Variants in SLC11A2 observed in about 807,000 individuals in gnomAD.
SLC11A2 encodes the protein solute carrier family 11 member 2.
A neutral mutation model predicts 68.0 loss-of-function variants in SLC11A2; 38 were observed. The ratio of observed to expected loss-of-function variants is 0.56; its 90% confidence interval spans 0.43 to 0.73. The LOEUF is 0.73. Ranked by LOEUF, SLC11A2 falls within the 30% of genes least tolerant of loss-of-function variation. The pLI is 0.00. For missense variants in SLC11A2, 517 were observed against 690.5 expected (o/e 0.75, Z 2.82); for synonymous variants, 242 against 250.6 (o/e 0.97, Z 0.32).
intron 1 of SLC11A2, chr12:51,026,046 G>C: frequency 9.1e-7 from 1 of 1,093,106 alleles, no homozygotes; most frequent in Non-Finnish European, 1.1e-6. Context: ...GCCGCGGCGG[G>C]GAAGGGGCGA....
chr12:50,985,999 AAG>A lies in SLC11A2; in HGVS notation c.*2324_*2325del. ...AATACCCAGGAAACCAAATTGGAAAAAGAAATTTTTTTTTAATTAGAAACCAA... is the reference window on the plus strand; with the variant it reads ...AATACCCAGGAAACCAAATTGGAAAAAAATTTTTTTTTAATTAGAAACCAA... On this transcript the variant is annotated 3_prime_UTR_variant, in exon 16 of 16. Transcript: ENST00000262052. 1 of 1,157,760 alleles carries A rather than the reference AAG, an allele frequency of 8.6e-7. No individual in the cohort carries two copies. Among genetic ancestry groups the A allele is most frequent in the Non-Finnish European group, 1.1e-6 (1 of 925,506 alleles). 71.7% of individuals were successfully genotyped at this position (1,157,760 alleles called of 1,614,324 possible). A position where few individuals can be genotyped will look rare whatever the true frequency, so the allele number is the denominator to read the frequency against.
the SLC11A2 span, among the ~76,000 whole-genome samples, chr12:50,972,506 T>TG: frequency 6.6e-6 from 1 of 152,206 alleles, no homozygotes; most frequent in Non-Finnish European, 1.5e-5. Context: ...TGCCATGTTC[T>TG]GGGGTGGTTC....
rs781651991 is a variant in SLC11A2, at chr12:51,000,380, T to C, written c.469A>G (p.Ile157Val). Residue 157 changes from isoleucine (I) to valine (V), a missense_variant, in exon 6 of 16, where the codon ATC (isoleucine) becomes GTC (valine). By Grantham distance (29) the Ile-to-Val change is conservative. Coordinates refer to ENST00000262052, the MANE Select transcript of SLC11A2 (RefSeq NM_000617.3). ...ACTTCTTGCATGTCTGAGCCGATGA[T>C]AGCCAACTCCACCATCAGCCACAGG... ...VILWLMVELAIIGSDMQEVIG... is the reference protein window; with the variant it reads ...VILWLMVELAVIGSDMQEVIG... 22 of 1,614,030 alleles carry C rather than the reference T, an allele frequency of 1.4e-5. No homozygotes were observed. The highest frequency in any genetic ancestry group is 2.2e-5 in the East Asian group (1 of 44,892).
intron 8 of SLC11A2, 147 bp downstream of exon 8, chr12:50,999,027 T>C (rs1941975478): frequency 1.5e-6 from 1 of 669,746 alleles, no homozygotes; most frequent in Non-Finnish European, 2.6e-6. Context: ...CCTTTAAAAT[T>C]GGCCCAGGGA....
chr12:50,971,787 A>T, the SLC11A2 span, among the ~76,000 whole-genome samples: 1 of 152,240 alleles, frequency 6.6e-6, no homozygotes, highest in Non-Finnish European at 1.5e-5. Flanking sequence ...TGTTTCCTGT[A>T]ATGGAGGTTT....
At chr12:51,000,709 C>A (rs2136244899) in intron 5 of SLC11A2, 2 of 587,214 alleles carry the variant, frequency 3.4e-6, no homozygotes, top group East Asian at 2.8e-5. Flanking sequence ...ATATAATTGC[C>A]ATTTACTAAC....
At chr12:50,970,492 G>A in the SLC11A2 span, 1 of 1,532,238 alleles carries the variant, frequency 6.5e-7, no homozygotes, top group Non-Finnish European at 8.8e-7. Context: ...ATTCTTCAGT[G>A]AGTCCAAAAA....
chr12:51,026,042 G>A, intron 1 of SLC11A2: 3 of 1,095,244 alleles, frequency 2.7e-6, no homozygotes, highest in Non-Finnish European at 3.3e-6. Flanking sequence ...CTAGGCCGCG[G>A]CGGGGAAGGG....
In SLC11A2 at chr12:50,999,168, A is replaced by T. The variant is rs780093627; in HGVS notation, c.675+6T>A. ...AAGAAGCTAATGAATATCCTGTACCACTTGCCTCATATCCAAATGTGAGGG... is the reference window on the plus strand; with the variant it reads ...AAGAAGCTAATGAATATCCTGTACCTCTTGCCTCATATCCAAATGTGAGGG... On this transcript the variant is annotated splice_donor_region_variant and intron_variant, in intron 8 of 15. Coordinates refer to ENST00000262052, the MANE Select transcript of SLC11A2 (RefSeq NM_000617.3). 3 of 1,606,390 alleles carry T rather than the reference A, an allele frequency of 1.9e-6. No individual in the cohort carries two copies. Among genetic ancestry groups the T allele is most frequent in the Non-Finnish European group, 2.6e-6 (3 of 1,172,968 alleles).
downstream of SLC11A2, among the ~76,000 whole-genome samples, chr12:50,977,488 A>C (rs1016348483): frequency 9.9e-5 from 15 of 152,224 alleles, no homozygotes; most frequent in African/African-American, 3.6e-4. Flanking sequence ...CTTATACAAA[A>C]ATTAATTCAA....
Position 50,991,622 on chromosome 12 carries a change from T to C in SLC11A2, c.1398A>G (p.Val466=), listed in dbSNP as rs1362072710. The C allele has an allele frequency of 3.1e-6, 5 of 1,613,978 alleles. No homozygotes were observed. Among genetic ancestry groups the C allele is most frequent in the South Asian group, 2.2e-5 (2 of 91,042 alleles). The change falls in exon 14 of 16, where the codon GTA becomes GTG. Residue 466 remains valine (V), a synonymous_variant. Coordinates refer to ENST00000262052, the MANE Select transcript of SLC11A2 (RefSeq NM_000617.3). ...ACAGTCCATTGGCAAAGTCACTCAT[T>C]ACTGGCCGCAAGCTCGTAAATGTGA... The part of the protein sequence containing the change: ...PILTFTSLRP[V]MSDFANGLGW...
At chr12:50,997,914 G>C (rs913426376) in intron 8 of SLC11A2, among the ~76,000 whole-genome samples, 2 of 151,478 alleles carry the variant, frequency 1.3e-5, no homozygotes, top group Non-Finnish European at 2.9e-5. Flanking sequence ...CTTGAACCTG[G>C]GGGTGGAAGT....
chr12:51,028,279 G>A, upstream of SLC11A2: 1 of 1,398,474 alleles, frequency 7.2e-7, no homozygotes, highest in Non-Finnish European at 9.8e-7. Context: ...TATATATGAA[G>A]ACAAGTGCGC....
downstream of SLC11A2, chr12:50,981,905 T>C (rs138230464): frequency 2.0e-5 from 12 of 588,340 alleles, no homozygotes; most frequent in Non-Finnish European, 3.5e-5. Flanking sequence ...GGCCTTTTTT[T>C]CTGTACTGCT....
chr12:51,018,223 C>T (rs537147686), intron 1 of SLC11A2, among the ~76,000 whole-genome samples: 2 of 152,022 alleles, frequency 1.3e-5, no homozygotes, highest in South Asian at 4.1e-4. Flanking sequence ...GACAAAACCC[C>T]GTCTCTACTA....
At chr12:50,990,613 T>C in intron 15 of SLC11A2, 182 bp downstream of exon 15, 1 of 622,856 alleles carries the variant, frequency 1.6e-6, no homozygotes, top group South Asian at 2.0e-5. Flanking sequence ...TCTTACTATG[T>C]TGCCCAGATT....
chr12:50,969,727 C>T, the SLC11A2 span, among the ~76,000 whole-genome samples: 11 of 150,198 alleles, frequency 7.3e-5, no homozygotes, highest in Admixed American at 1.3e-4. Context: ...AAAAACAAAA[C>T]GTCATACTTA....
At chr12:50,985,934 T>C (rs1940495753), downstream of SLC11A2, 1 of 1,107,644 alleles carries the variant, frequency 9.0e-7, no homozygotes, top group Non-Finnish European at 1.1e-6. Flanking sequence ...TGTATCAAAG[T>C]TGTTGTAACC....
At chr12:51,001,147 A>C (rs112388276) in intron 5 of SLC11A2, among the ~76,000 whole-genome samples, 1 of 150,574 alleles carries the variant, frequency 6.6e-6, no homozygotes, top group East Asian at 1.9e-4. Context: ...CCTGGACAAC[A>C]AAGCGAGACT....
Sources: gnomAD v4.1 joint callset for allele counts (sites outside exome capture counted in the v4.1 genomes callset) on GRCh38, gnomAD v4.1.1 for gene constraint, MANE v1.5 for transcripts, NCBI Gene and HGNC (gene_info 2026-07-23, HGNC 2026-07-21) for gene names.